TMPRSS11D: variants seen among roughly 807,000 people sequenced by gnomAD.
The protein encoded by TMPRSS11D is transmembrane protease serine 11D.
A neutral mutation model predicts 44.4 loss-of-function variants in TMPRSS11D; 32 were observed. The ratio of observed to expected loss-of-function variants is 0.72; its 90% CI spans 0.54 to 0.97. The LOEUF (loss-of-function observed/expected upper bound fraction) is 0.97, where lower values mean the gene tolerates loss of function less well. Ranked by LOEUF, TMPRSS11D falls within the 50% of genes least tolerant of loss-of-function variation. TMPRSS11D has a pLI of 0.00. For synonymous variants in TMPRSS11D, 179 were observed against 177.9 expected, an observed-to-expected ratio of 1.01 and a Z score of -0.05; for missense variants, 446 against 502.6, an observed-to-expected ratio of 0.89 and a Z score of 1.08.
chr4:67,844,424 G>A (rs969778622), intron 3 of TMPRSS11D, among the ~76,000 whole-genome samples: 2 of 151,930 alleles, frequency 1.3e-5, no homozygotes, highest in East Asian at 3.8e-4. Context: ...TTTTATCAAA[G>A]TACTTTATGT....
chr4:67,848,708 G>A (rs1169760791), intron 3 of TMPRSS11D, among the ~76,000 whole-genome samples: 2 of 152,160 alleles, frequency 1.3e-5, no homozygotes. Context: ...CAGAATGAAT[G>A]GCACATGCAC....
intron 7 of TMPRSS11D, among the ~76,000 whole-genome samples, chr4:67,827,982 G>A (rs1344349306): frequency 1.3e-5 from 2 of 151,732 alleles, no homozygotes; most frequent in Non-Finnish European, 2.9e-5. Context: ...TTCTTATCTT[G>A]TTAATGGATG....
At chr4:67,835,564 A>C (rs986483497) in intron 5 of TMPRSS11D, among the ~76,000 whole-genome samples, 8 of 152,286 alleles carry the variant, frequency 5.3e-5, no homozygotes, top group African/African-American at 1.9e-4. Context: ...TGCAGATTTA[A>C]CTGCGAGCAA....
At chr4:67,881,676 C>T (rs931770061) in intron 1 of TMPRSS11D, among the ~76,000 whole-genome samples, 19 of 152,158 alleles carry the variant, frequency 1.2e-4, no homozygotes, top group Non-Finnish European at 2.6e-4. Context: ...TTTTTGACAG[C>T]GATGGCTCGT....
intron 1 of TMPRSS11D, among the ~76,000 whole-genome samples, chr4:67,877,403 G>A (rs1304866928): frequency 2.0e-5 from 3 of 152,134 alleles, no homozygotes. Flanking sequence ...GTCTGGTCTT[G>A]CATCTCAGAG....
At chr4:67,860,844 T>C (rs1046446912) in intron 1 of TMPRSS11D, among the ~76,000 whole-genome samples, 1 of 152,104 alleles carries the variant, frequency 6.6e-6, no homozygotes, top group Non-Finnish European at 1.5e-5. Context: ...TGGGATACAT[T>C]TCACTGCAAT....
intron 9 of TMPRSS11D, 115 bp from the exon 10 acceptor site, chr4:67,822,613 A>G: frequency 8.6e-7 from 1 of 1,163,306 alleles, no homozygotes; most frequent in Non-Finnish European, 1.2e-6. Context: ...AAATAAAGTC[A>G]GCCTATTTCC....
chr4:67,854,184 G>T lies in TMPRSS11D; in HGVS notation c.133C>A (p.Gln45Lys). The change falls in exon 3 of 10, where the codon CAA becomes AAA. Residue 45 changes from glutamine to lysine, a missense_variant and splice_region_variant. Gln to Lys is a moderately conservative substitution (Grantham distance 53). Coordinates refer to ENST00000283916, the MANE Select transcript of TMPRSS11D (RefSeq NM_004262.3). ...ALLVYFLAFD[Q>K]KSYFYRSSFQ... Reference sequence around the variant, plus strand: ...CTGCTCCTATAAAAGTAAGATTTTTGATCTGAAAAAGAAATAAAAGGGAAG... The same window carrying T: ...CTGCTCCTATAAAAGTAAGATTTTTTATCTGAAAAAGAAATAAAAGGGAAG... 2.0e-6 allele frequency: 3 copies of T among 1,480,624 alleles called. No individual in the cohort carries two copies. The highest frequency in any genetic ancestry group is 2.4e-5 in the South Asian group (2 of 82,552). 91.7% of individuals were successfully genotyped at this position (1,480,624 alleles called of 1,614,324 possible). A position where few individuals can be genotyped will look rare whatever the true frequency, so the allele number is the denominator to read the frequency against.
chr4:67,870,478 A>G (rs751974810), intron 1 of TMPRSS11D, among the ~76,000 whole-genome samples: 4 of 152,138 alleles, frequency 2.6e-5, no homozygotes, highest in Non-Finnish European at 5.9e-5. Flanking sequence ...TCTTTGCTCA[A>G]TTGATGTCTT....
intron 1 of TMPRSS11D, among the ~76,000 whole-genome samples, chr4:67,868,026 C>T (rs1718967271): frequency 6.6e-6 from 1 of 151,910 alleles, no homozygotes; most frequent in Non-Finnish European, 1.5e-5. Context: ...ATGTTTATTG[C>T]AGCACTATTT....
At chr4:67,850,099 T>C (rs1286138977) in intron 3 of TMPRSS11D, among the ~76,000 whole-genome samples, 1 of 152,186 alleles carries the variant, frequency 6.6e-6, no homozygotes, top group Non-Finnish European at 1.5e-5. Flanking sequence ...CAAGCCACAG[T>C]ACTCTAAATA....
At chr4:67,871,946 T>G (rs944499660) in intron 1 of TMPRSS11D, among the ~76,000 whole-genome samples, 2 of 152,180 alleles carry the variant, frequency 1.3e-5, no homozygotes, top group African/African-American at 4.8e-5. Flanking sequence ...TTGACTCTAC[T>G]GGTGTTTAAG....
chr4:67,867,946 A>G (rs1370190250), intron 1 of TMPRSS11D, among the ~76,000 whole-genome samples: 1 of 152,174 alleles, frequency 6.6e-6, no homozygotes, highest in African/African-American at 2.4e-5. Flanking sequence ...CTACCCTTTG[A>G]TCCAGCAATC....
At chr4:67,846,535 A>G (rs985738285) in intron 3 of TMPRSS11D, among the ~76,000 whole-genome samples, 2 of 152,184 alleles carry the variant, frequency 1.3e-5, no homozygotes, top group Non-Finnish European at 2.9e-5. Flanking sequence ...CATGTGCATG[A>G]AGTTTACCAT....
chr4:67,827,452 C>G lies in TMPRSS11D; in HGVS notation c.761G>C (p.Arg254Thr). The change falls in exon 8 of 10, where the codon AGA becomes ACA. Residue 254 changes from arginine (R) to threonine (T), a missense_variant. Transcript: ENST00000283916. ...GTTATGAATTAAAATATTTCTTACTCTCATTCTTAGTTTAGGAAATGTTGT... is the reference window on the plus strand; with the variant it reads ...GTTATGAATTAAAATATTTCTTACTGTCATTCTTAGTTTAGGAAATGTTGT... ...ISTTFPKLRM[R>T]VRNILIHNNY... The G allele has an allele frequency of 2.5e-6, 4 of 1,612,612 alleles. No homozygotes were observed. The highest frequency in any genetic ancestry group is 2.2e-5 in the East Asian group (1 of 44,832).
At chr4:67,852,355 T>C (rs980680252) in intron 3 of TMPRSS11D, among the ~76,000 whole-genome samples, 8 of 152,090 alleles carry the variant, frequency 5.3e-5, no homozygotes, top group African/African-American at 1.9e-4. Context: ...GGGACCAGGC[T>C]GCACTGGCAG....
At chr4:67,874,562 T>C (rs1272818811) in intron 1 of TMPRSS11D, among the ~76,000 whole-genome samples, 2 of 152,152 alleles carry the variant, frequency 1.3e-5, no homozygotes, top group Middle Eastern at 3.4e-3. Flanking sequence ...TTGGTTACAG[T>C]GTTAAAAATG....
chr4:67,844,453 A>G (rs1398617240), intron 3 of TMPRSS11D, among the ~76,000 whole-genome samples: 1 of 152,174 alleles, frequency 6.6e-6, no homozygotes, highest in Non-Finnish European at 1.5e-5. Flanking sequence ...TAAAAATTCA[A>G]GAAATACTAG....
intron 7 of TMPRSS11D, among the ~76,000 whole-genome samples, chr4:67,829,226 T>C (rs1383657602): frequency 1.3e-5 from 2 of 151,980 alleles, no homozygotes; most frequent in African/African-American, 4.8e-5. Flanking sequence ...GACCCTCAGT[T>C]CTTTAGGGAT....
Sources: allele counts gnomAD v4.1 joint callset (sites outside exome capture counted in the v4.1 genomes callset), GRCh38; gene constraint gnomAD v4.1.1; transcripts MANE v1.5; gene names NCBI Gene and HGNC (gene_info 2026-07-23, HGNC 2026-07-21).